The following ASCC3 variants were observed in gnomAD, a reference collection of about 807,000 sequenced individuals.
ASCC3 encodes activating signal cointegrator 1 complex subunit 3.
Under a neutral mutation model 256.3 loss-of-function variants are expected in ASCC3, and 158 were observed. The ratio of observed to expected loss-of-function variants is 0.62; its 90% confidence interval spans 0.54 to 0.70. The LOEUF is 0.70. Ranked by LOEUF, ASCC3 falls within the 30% of genes least tolerant of loss-of-function variation. The pLI, the probability that ASCC3 is intolerant of heterozygous loss-of-function variation, is 0.00. For synonymous variants in ASCC3, 948 were observed against 883.4 expected, an observed-to-expected ratio of 1.07 and a Z score of -1.30; for missense variants, 2,259 against 2,626.0, an observed-to-expected ratio of 0.86 and a Z score of 3.05.
chr6:100,758,680 T>C (rs140070616), intron 10 of ASCC3, among the ~76,000 whole-genome samples: 1 of 152,332 alleles, frequency 6.6e-6, no homozygotes, highest in Non-Finnish European at 1.5e-5. Context: ...CTATTGCAAA[T>C]AGTGCTGCAA....
At chr6:100,617,288 G>T (rs1438349040) in intron 30 of ASCC3, among the ~76,000 whole-genome samples, 1 of 151,994 alleles carries the variant, frequency 6.6e-6, no homozygotes, top group South Asian at 2.1e-4. Flanking sequence ...GATTACAGGC[G>T]TGAGCCACCG....
At chr6:100,764,095 C>T (rs1026940900) in intron 10 of ASCC3, among the ~76,000 whole-genome samples, 1 of 152,194 alleles carries the variant, frequency 6.6e-6, no homozygotes, top group African/African-American at 2.4e-5. Context: ...AATGTTATCT[C>T]CCTTGTCTTT....
chr6:100,703,153 G>A (rs1410806686), intron 13 of ASCC3, among the ~76,000 whole-genome samples: 1 of 151,892 alleles, frequency 6.6e-6, no homozygotes, highest in Non-Finnish European at 1.5e-5. Flanking sequence ...AACTGTTCAA[G>A]AGCAGCTGCT....
At chr6:100,826,836 A>C (rs1771338344) in intron 4 of ASCC3, among the ~76,000 whole-genome samples, 1 of 152,242 alleles carries the variant, frequency 6.6e-6, no homozygotes, top group South Asian at 2.1e-4. Context: ...GTATTTTACC[A>C]GTCTACATTT....
intron 32 of ASCC3, among the ~76,000 whole-genome samples, chr6:100,606,140 G>A (rs764589886): frequency 1.3e-5 from 2 of 151,660 alleles, no homozygotes; most frequent in African/African-American, 2.4e-5. Context: ...CCTGCACCCC[G>A]GTATAAAATT....
rs966822525 is a variant in ASCC3, at chr6:100,655,924, C to T, written c.2704-106G>A. On this transcript the variant is annotated intron_variant, in intron 16 of 41. Coordinates refer to ENST00000369162, the MANE Select transcript of ASCC3 (RefSeq NM_006828.4). ...GAAGTTTTAAAAATACATCATTATG[C>T]AGTATTTTTAAAAAGGTAGGCATAG... 7.2e-5 allele frequency: 95 copies of T among 1,322,330 alleles called. 1 individual carries two copies. The African/African-American group carries it at 1.3e-3, about 18-fold the overall frequency. 81.9% of individuals were successfully genotyped at this position (1,322,330 alleles called of 1,614,324 possible).
intron 22 of ASCC3, 128 bp from the exon 23 acceptor site, chr6:100,644,257 T>G: frequency 1.4e-6 from 1 of 697,682 alleles, no homozygotes; most frequent in Middle Eastern, 2.4e-4. Context: ...ATTTAAACAT[T>G]TCAAGTATAC....
chr6:100,761,126 A>C (rs1347268452), intron 10 of ASCC3, among the ~76,000 whole-genome samples: 1 of 152,200 alleles, frequency 6.6e-6, no homozygotes, highest in East Asian at 1.9e-4. Context: ...GAGAACAATA[A>C]TTTGAATGGA....
At chr6:100,853,878 A>C (rs1772811636) in intron 3 of ASCC3, among the ~76,000 whole-genome samples, 1 of 152,200 alleles carries the variant, frequency 6.6e-6, no homozygotes, top group Admixed American at 6.5e-5. Flanking sequence ...TTTTACAAAT[A>C]TGTAAAATAC....
intron 30 of ASCC3, among the ~76,000 whole-genome samples, chr6:100,613,873 A>T (rs1773532007): frequency 6.6e-6 from 1 of 152,128 alleles, no homozygotes; most frequent in Middle Eastern, 3.4e-3. Flanking sequence ...ATAATATCTC[A>T]TTGTGGTTTT....
intron 2 of ASCC3, among the ~76,000 whole-genome samples, chr6:100,864,569 GT>G (rs1773391756): frequency 6.6e-6 from 1 of 152,036 alleles, no homozygotes; most frequent in South Asian, 2.1e-4. Context: ...CTAACTGCTT[GT>G]TTTTAATATA....
intron 8 of ASCC3, among the ~76,000 whole-genome samples, chr6:100,782,253 C>T (rs1458023467): frequency 6.6e-6 from 1 of 151,972 alleles, no homozygotes; most frequent in Non-Finnish European, 1.5e-5. Flanking sequence ...GTTATCGGTG[C>T]TTTTAAAGAA....
intron 26 of ASCC3, among the ~76,000 whole-genome samples, chr6:100,630,061 T>G (rs749162131): frequency 2.6e-5 from 4 of 151,962 alleles, no homozygotes; most frequent in Admixed American, 1.3e-4. Context: ...CAGCTCCTTT[T>G]TTATTTTTAG....
chr6:100,847,357 G>C (rs1772434334), intron 4 of ASCC3, among the ~76,000 whole-genome samples: 1 of 152,068 alleles, frequency 6.6e-6, no homozygotes. Context: ...ATTAAACCAA[G>C]TGTAAAACAT....
chr6:100,575,251 A>C (rs144454922), intron 36 of ASCC3, among the ~76,000 whole-genome samples: 59 of 152,148 alleles, frequency 3.9e-4, no homozygotes, highest in African/African-American at 1.1e-3. Context: ...AATGCTATTC[A>C]TAACTGGCTT....
At chr6:100,644,664 ATG>A (rs1339932921) in intron 22 of ASCC3, among the ~76,000 whole-genome samples, 5 of 152,032 alleles carry the variant, frequency 3.3e-5, no homozygotes, top group African/African-American at 1.2e-4. Context: ...TCTCTCCCTC[ATG>A]TGACTCAAGA....
At chr6:100,804,206 C>A (rs1770056654) in intron 5 of ASCC3, among the ~76,000 whole-genome samples, 1 of 152,034 alleles carries the variant, frequency 6.6e-6, no homozygotes, top group Non-Finnish European at 1.5e-5. Context: ...TCTAGAACTT[C>A]CTGTCATTGT....
At chr6:100,864,286 T>C (rs1039683055) in intron 2 of ASCC3, 72 bp from the exon 3 acceptor site, 29 of 1,346,338 alleles carry the variant, frequency 2.2e-5, no homozygotes, top group Non-Finnish European at 2.8e-5. Flanking sequence ...ATTACATATA[T>C]TTTGCATTAC....
At chr6:100,524,194 C>A (rs1174347501) in intron 37 of ASCC3, among the ~76,000 whole-genome samples, 1 of 152,090 alleles carries the variant, frequency 6.6e-6, no homozygotes, top group African/African-American at 2.4e-5. Context: ...TCTGCATATT[C>A]TGTCTTGCTT....
Sources: allele counts gnomAD v4.1 joint callset (sites outside exome capture counted in the v4.1 genomes callset), GRCh38; gene constraint gnomAD v4.1.1; transcripts MANE v1.5; gene names NCBI Gene and HGNC (gene_info 2026-07-23, HGNC 2026-07-21).